RIT2: variants seen among roughly 807,000 people sequenced by gnomAD.
RIT2 encodes the protein GTP-binding protein Rit2.
Under a neutral mutation model 23.7 loss-of-function variants are expected in RIT2, and 24 were observed. The observed-to-expected ratio is 1.01, with a 90% CI of 0.73 to 1.43. The LOEUF (loss-of-function observed/expected upper bound fraction) is 1.43. Among genes scored for constraint, RIT2 ranks in the 40% most tolerant of loss-of-function variants. RIT2 has a pLI of 0.00. For synonymous variants in RIT2, 107 were observed against 91.1 expected (o/e 1.17, Z -0.99); for missense variants, 236 against 266.9 (o/e 0.88, Z 0.81).
intron 1 of RIT2, among the ~76,000 whole-genome samples, chr18:43,058,472 C>G (rs556343505): frequency 6.6e-6 from 1 of 152,258 alleles, no homozygotes; most frequent in Non-Finnish European, 1.5e-5. Flanking sequence ...TTGAGATGCA[C>G]TTCTGTACTA....
intron 3 of RIT2, among the ~76,000 whole-genome samples, chr18:42,958,491 C>A (rs890378917): frequency 1.3e-5 from 2 of 151,964 alleles, no homozygotes; most frequent in African/African-American, 4.8e-5. Flanking sequence ...ACACTTCATA[C>A]TAATGGGACA....
chr18:42,934,281 T>C (rs1186723161), intron 3 of RIT2, among the ~76,000 whole-genome samples: 1 of 152,198 alleles, frequency 6.6e-6, no homozygotes, highest in Admixed American at 6.5e-5. Context: ...ACTTTTAGAC[T>C]CAGGTGAGCT....
chr18:42,950,282 A>G (rs1199348460), intron 3 of RIT2, among the ~76,000 whole-genome samples: 1 of 152,094 alleles, frequency 6.6e-6, no homozygotes, highest in Non-Finnish European at 1.5e-5. Flanking sequence ...TCAACAAAAA[A>G]TAAACAATGG....
chr18:42,910,371 A>G (rs527434038), intron 4 of RIT2, among the ~76,000 whole-genome samples: 1 of 152,278 alleles, frequency 6.6e-6, no homozygotes, highest in Admixed American at 6.5e-5. Flanking sequence ...AGCATTATTG[A>G]TACGGACAGC....
chr18:43,061,039 G>C (rs1394816777), intron 1 of RIT2, among the ~76,000 whole-genome samples: 1 of 152,020 alleles, frequency 6.6e-6, no homozygotes, highest in Non-Finnish European at 1.5e-5. Context: ...CCAAGATATT[G>C]TAATATCTAC....
At chr18:42,756,417 CT>C (rs1913164740) in intron 4 of RIT2, among the ~76,000 whole-genome samples, 1 of 151,990 alleles carries the variant, frequency 6.6e-6, no homozygotes, top group South Asian at 2.1e-4. Context: ...TCTCAAAGGC[CT>C]TGTGCTTTTC....
intron 4 of RIT2, among the ~76,000 whole-genome samples, chr18:42,912,851 T>C (rs963399552): frequency 1.3e-5 from 2 of 151,972 alleles, no homozygotes; most frequent in African/African-American, 2.4e-5. Context: ...ACATAACCAA[T>C]AGGTTTAATT....
chr18:42,841,902 A>G (rs1906777357), intron 4 of RIT2, among the ~76,000 whole-genome samples: 1 of 152,220 alleles, frequency 6.6e-6, no homozygotes, highest in Non-Finnish European at 1.5e-5. Context: ...GAGCTTTGTC[A>G]TAAAGCTTAT....
chr18:42,854,258 G>A (rs1227645558), intron 4 of RIT2, among the ~76,000 whole-genome samples: 1 of 151,952 alleles, frequency 6.6e-6, no homozygotes, highest in African/African-American at 2.4e-5. Context: ...CAATCAATAG[G>A]TCAGAGAAGA....
chr18:42,927,078 A>T (rs1178936650), intron 3 of RIT2, among the ~76,000 whole-genome samples: 1 of 151,992 alleles, frequency 6.6e-6, no homozygotes, highest in Non-Finnish European at 1.5e-5. Context: ...AATACAATAC[A>T]AATCAAGCCT....
chr18:42,966,023 C>A (rs1056026525), intron 3 of RIT2, among the ~76,000 whole-genome samples: 7 of 151,968 alleles, frequency 4.6e-5, no homozygotes, highest in African/African-American at 1.7e-4. Flanking sequence ...CTTGGATAAG[C>A]CACTTAACCT....
rs532666217 is a variant in RIT2 at position 42,939,935 on chromosome 18, G to A, written c.235-16172C>T. Among the ~76,000 whole-genome samples the A allele has an allele frequency of 1.9e-3, 286 of 151,896 alleles. 3 individuals are homozygous for A. Among genetic ancestry groups the A allele is most frequent in the Non-Finnish European group, 3.3e-3 (226 of 67,946 alleles). ...TTGAGAAAATTTCATACATGTACAC[G>A]GCAATTTGCATTTATTTGACCATTT... On this transcript the variant is annotated intron_variant, in intron 3 of 4. Coordinates refer to ENST00000326695, the MANE Select transcript of RIT2 (RefSeq NM_002930.4).
chr18:42,892,077 T>C (rs1056393380), intron 4 of RIT2, among the ~76,000 whole-genome samples: 1 of 152,128 alleles, frequency 6.6e-6, no homozygotes, highest in African/African-American at 2.4e-5. Flanking sequence ...AAATAAAGCC[T>C]ATTCACCACG....
intron 4 of RIT2, among the ~76,000 whole-genome samples, chr18:42,812,112 G>T (rs1462531466): frequency 6.6e-6 from 1 of 152,116 alleles, no homozygotes; most frequent in Non-Finnish European, 1.5e-5. Context: ...TATTGGTGCT[G>T]TTCACTGACT....
At chr18:43,037,049 A>G (rs1911997465) in intron 1 of RIT2, among the ~76,000 whole-genome samples, 1 of 152,220 alleles carries the variant, frequency 6.6e-6, no homozygotes, top group Non-Finnish European at 1.5e-5. Flanking sequence ...CTCAAACAAC[A>G]TAATTCTATC....
At chr18:42,947,117 A>C (rs1909746915) in intron 3 of RIT2, among the ~76,000 whole-genome samples, 1 of 152,150 alleles carries the variant, frequency 6.6e-6, no homozygotes. Flanking sequence ...TTGAAGAGCT[A>C]GATTTATGTT....
At chr18:42,910,133 C>A (rs1364623575) in intron 4 of RIT2, among the ~76,000 whole-genome samples, 1 of 152,032 alleles carries the variant, frequency 6.6e-6, no homozygotes, top group East Asian at 1.9e-4. Context: ...AATTCTAAAA[C>A]TATTTTCAAG....
intron 3 of RIT2, among the ~76,000 whole-genome samples, chr18:42,969,880 C>T (rs1207941498): frequency 6.6e-6 from 1 of 151,826 alleles, no homozygotes; most frequent in African/African-American, 2.4e-5. Flanking sequence ...AAAATTTGTG[C>T]ACTTCTACCA....
intron 3 of RIT2, among the ~76,000 whole-genome samples, chr18:42,955,750 G>A (rs1425001492): frequency 6.6e-6 from 1 of 152,064 alleles, no homozygotes; most frequent in Non-Finnish European, 1.5e-5. Flanking sequence ...TGCAGTTCAG[G>A]TTTTTACTAT....
Sources: allele counts gnomAD v4.1 joint callset (sites outside exome capture counted in the v4.1 genomes callset), GRCh38; gene constraint gnomAD v4.1.1; transcripts MANE v1.5; gene names NCBI Gene and HGNC (gene_info 2026-07-23, HGNC 2026-07-21).